ADAD1: variants seen among roughly 807,000 people sequenced by gnomAD.
ADAD1 encodes the protein adenosine deaminase domain containing 1.
In ADAD1, 46 loss-of-function variants were observed where a neutral mutation model predicts 66.8. The ratio of observed to expected loss-of-function variants is 0.69; its 90% CI spans 0.54 to 0.88. The LOEUF (loss-of-function observed/expected upper bound fraction) is 0.88. Ranked by LOEUF, ADAD1 falls within the 40% of genes least tolerant of loss-of-function variation. The pLI, the probability that ADAD1 is intolerant of heterozygous loss-of-function variation, is 0.00. For missense variants in ADAD1, 617 were observed against 681.8 expected (o/e 0.91, Z 1.06); for synonymous variants, 248 against 229.4 (o/e 1.08, Z -0.73).
chr4:122,405,811 T>G (rs987679703), intron 7 of ADAD1, among the ~76,000 whole-genome samples: 22 of 152,182 alleles, frequency 1.4e-4, no homozygotes, highest in African/African-American at 4.8e-4. Flanking sequence ...AGATTCCACA[T>G]ATGAGTGAGA....
intron 12 of ADAD1, among the ~76,000 whole-genome samples, chr4:122,428,029 G>A (rs977029730): frequency 1.3e-5 from 2 of 152,056 alleles, no homozygotes; most frequent in Non-Finnish European, 2.9e-5. Flanking sequence ...TTCTATGGGA[G>A]AATCATTTTT....
intron 7 of ADAD1, among the ~76,000 whole-genome samples, chr4:122,406,346 G>A (rs1796211228): frequency 6.6e-6 from 1 of 152,174 alleles, no homozygotes; most frequent in East Asian, 1.9e-4. Context: ...TCATATACCT[G>A]TTTGTATGTC....
At chr4:122,387,720 C>A (rs572443479) in intron 5 of ADAD1, among the ~76,000 whole-genome samples, 2 of 151,502 alleles carry the variant, frequency 1.3e-5, no homozygotes, top group South Asian at 2.1e-4. Context: ...CATGTTCCAT[C>A]AATACCTTAT....
At chr4:122,411,417 A>T (rs757395686) in intron 9 of ADAD1, 25 bp downstream of exon 9, 15 of 1,588,984 alleles carry the variant, frequency 9.4e-6, no homozygotes, top group African/African-American at 1.4e-5. Flanking sequence ...AGTTGTTTTT[A>T]AAAGCAAGTA....
intron 8 of ADAD1, among the ~76,000 whole-genome samples, chr4:122,410,172 C>CTA (rs547440287): frequency 8.5e-4 from 129 of 152,226 alleles, no homozygotes; most frequent in Middle Eastern, 3.4e-3. Flanking sequence ...ATTTGTGTCT[C>CTA]TAATAATGAG....
intron 10 of ADAD1, among the ~76,000 whole-genome samples, chr4:122,414,548 TA>T (rs1796640371): frequency 6.6e-6 from 1 of 152,072 alleles, no homozygotes; most frequent in South Asian, 2.1e-4. Context: ...ATGTCCTTTT[TA>T]CATCATTTTC....
rs564923650 is a variant in ADAD1, at chr4:122,379,382, A to G, written c.-72A>G. The G allele has an allele frequency of 4.6e-5, 7 of 152,468 alleles. No homozygotes were observed. In the East Asian group the frequency reaches 9.5e-4, roughly 21 times the overall value. 9.4% of individuals were successfully genotyped at this position (152,468 alleles called of 1,614,324 possible). A position where few individuals can be genotyped will look rare whatever the true frequency, so the allele number is the denominator to read the frequency against. On this transcript the variant is annotated 5_prime_UTR_variant, in exon 2 of 13. Transcript: ENST00000296513. ...GCGTCTCTTCCCTAGGTGACGCAAGACGCGGAGCTCGGCTGCACGACGCTG... is the reference window on the plus strand; with the variant it reads ...GCGTCTCTTCCCTAGGTGACGCAAGGCGCGGAGCTCGGCTGCACGACGCTG...
intron 7 of ADAD1, among the ~76,000 whole-genome samples, chr4:122,403,329 C>T (rs114088632): frequency 0.013 from 1,926 of 152,246 alleles, 15 homozygotes; most frequent in Non-Finnish European, 0.021. Context: ...TGCAAAGAGT[C>T]CTGTGATGTG....
intron 5 of ADAD1, among the ~76,000 whole-genome samples, chr4:122,384,751 C>T (rs1432126057): frequency 6.6e-6 from 1 of 152,128 alleles, no homozygotes; most frequent in Non-Finnish European, 1.5e-5. Context: ...ATGTTTTGCC[C>T]ACTGGTCTGC....
intron 10 of ADAD1, 43 bp from the exon 11 acceptor site, chr4:122,415,336 T>C: frequency 6.9e-7 from 1 of 1,439,688 alleles, no homozygotes; most frequent in Non-Finnish European, 9.6e-7. Flanking sequence ...TTTTGGGATG[T>C]TCTTTTAATA....
chr4:122,411,421 G>A lies in ADAD1; in HGVS notation c.1019+29G>A, dbSNP rs995196815. The A allele has an allele frequency of 2.7e-5, 42 of 1,584,208 alleles. No homozygotes were observed. In the East Asian group the frequency reaches 8.8e-4, roughly 33 times the overall value. ...AGTATTATAGAAGTTGTTTTTAAAAGCAAGTAGGATGGCCATGCCATACAT... is the reference window on the plus strand; with the variant it reads ...AGTATTATAGAAGTTGTTTTTAAAAACAAGTAGGATGGCCATGCCATACAT... On this transcript the variant is annotated intron_variant, in intron 9 of 12. Coordinates refer to ENST00000296513, the MANE Select transcript of ADAD1 (RefSeq NM_139243.4).
chr4:122,404,226 A>G (rs1560591432), intron 7 of ADAD1, among the ~76,000 whole-genome samples: 2 of 152,192 alleles, frequency 1.3e-5, no homozygotes, highest in African/African-American at 2.4e-5. Flanking sequence ...TGCTTGGTCA[A>G]AATTATTACA....
intron 12 of ADAD1, among the ~76,000 whole-genome samples, chr4:122,423,680 G>C (rs982082685): frequency 2.0e-5 from 3 of 152,182 alleles, no homozygotes; most frequent in Non-Finnish European, 4.4e-5. Context: ...AATCAAGACA[G>C]TGTGGTACTG....
At chr4:122,422,494 A>G (rs545237359) in intron 12 of ADAD1, among the ~76,000 whole-genome samples, 2 of 152,344 alleles carry the variant, frequency 1.3e-5, no homozygotes, top group African/African-American at 4.8e-5. Context: ...CCTAATGCCA[A>G]TAATGATACA....
At chr4:122,401,684 G>A (rs558964368) in intron 7 of ADAD1, among the ~76,000 whole-genome samples, 1 of 152,166 alleles carries the variant, frequency 6.6e-6, no homozygotes, top group East Asian at 1.9e-4. Flanking sequence ...CCAGTGTTAA[G>A]TGCATATATA....
intron 5 of ADAD1, among the ~76,000 whole-genome samples, chr4:122,384,972 G>T (rs777074495): frequency 6.6e-6 from 1 of 151,992 alleles, no homozygotes; most frequent in Non-Finnish European, 1.5e-5. Flanking sequence ...ATTCTGTCTT[G>T]GGCTAGAGCC....
chr4:122,411,070 TTAAA>T, intron 8 of ADAD1, 148 bp from the exon 9 acceptor site: 1 of 597,926 alleles, frequency 1.7e-6, no homozygotes. Flanking sequence ...TAATTTTTCA[TTAAA>T]TAAAGCTAAG....
intron 11 of ADAD1, among the ~76,000 whole-genome samples, chr4:122,417,797 A>G (rs143765983): frequency 3.3e-4 from 51 of 152,340 alleles, no homozygotes; most frequent in African/African-American, 1.2e-3. Flanking sequence ...AGTAGAAGCA[A>G]TGTAGACATA....
Position 122,379,123 on chromosome 4 carries a change from T to C in ADAD1, c.-83+8T>C, listed in dbSNP as rs1794742164. ...GAAACAACCCTCACGCAGGTACCCC[T>C]TGGGCAGCCTTCAACCGCTCTGGGG... is the stretch of plus-strand genomic sequence containing the variant. On this transcript the variant is annotated splice_region_variant and intron_variant, in intron 1 of 12. Transcript: ENST00000296513. 6.6e-6 allele frequency: 1 copy of C among 152,342 alleles called. No homozygotes were observed. The highest frequency in any genetic ancestry group is 1.5e-5 in the Non-Finnish European group (1 of 68,048). The allele number at this position is 152,342 out of a possible 1,614,324, so 9.4% of individuals were successfully genotyped here. A position where few individuals can be genotyped will look rare whatever the true frequency, so the allele number is the denominator to read the frequency against.
Sources: gnomAD v4.1 joint callset for allele counts (sites outside exome capture counted in the v4.1 genomes callset) on GRCh38, gnomAD v4.1.1 for gene constraint, MANE v1.5 for transcripts, NCBI Gene and HGNC (gene_info 2026-07-23, HGNC 2026-07-21) for gene names.